The following UNC5D variants were observed in gnomAD, a reference collection of about 807,000 sequenced individuals.
UNC5D encodes the protein unc-5 netrin receptor D.
UNC5D carries 39 observed loss-of-function variants against 105.4 expected under a neutral mutation model. That is an observed-to-expected ratio of 0.37 (90% CI 0.29 to 0.48). The LOEUF (loss-of-function observed/expected upper bound fraction) is 0.48, where lower values mean the gene tolerates loss of function less well. Ranked by LOEUF, UNC5D falls within the 20% of genes least tolerant of loss-of-function variation. The pLI, the probability that UNC5D is intolerant of heterozygous loss-of-function variation, is 0.98. For missense variants in UNC5D, 991 were observed against 1,202.4 expected, an observed-to-expected ratio of 0.82 and a Z score of 2.60; for synonymous variants, 452 against 450.4, an observed-to-expected ratio of 1.00 and a Z score of -0.04.
intron 7 of UNC5D, among the ~76,000 whole-genome samples, chr8:35,693,686 C>T (rs559200990): frequency 6.6e-6 from 1 of 152,236 alleles, no homozygotes; most frequent in East Asian, 1.9e-4. Context: ...GCTTGTCTCT[C>T]TTTAACGATA....
At chr8:35,364,706 A>G (rs1314772673) in intron 1 of UNC5D, among the ~76,000 whole-genome samples, 1 of 152,166 alleles carries the variant, frequency 6.6e-6, no homozygotes, top group East Asian at 1.9e-4. Context: ...CTATCAGTAT[A>G]TATACTAAAA....
intron 2 of UNC5D, among the ~76,000 whole-genome samples, chr8:35,563,363 TG>T (rs1298832890): frequency 3.8e-4 from 6 of 15,626 alleles, no homozygotes; most frequent in Non-Finnish European, 5.1e-4. Flanking sequence ...TTGTGGGGGG[TG>T]GGGGGGTGGG....
intron 1 of UNC5D, among the ~76,000 whole-genome samples, chr8:35,408,773 A>T (rs1176731418): frequency 1.3e-5 from 2 of 151,960 alleles, no homozygotes; most frequent in Admixed American, 1.3e-4. Flanking sequence ...AAGAAAAAAA[A>T]AACTACTACC....
At chr8:35,700,224 A>C (rs1351021395) in intron 7 of UNC5D, among the ~76,000 whole-genome samples, 2 of 152,202 alleles carry the variant, frequency 1.3e-5, no homozygotes, top group Non-Finnish European at 2.9e-5. Flanking sequence ...GAGGGAAAGC[A>C]TGAATACATG....
chr8:35,763,446 CT>C (rs201449850), intron 14 of UNC5D, among the ~76,000 whole-genome samples: 17,902 of 124,626 alleles, frequency 0.14, 2,870 homozygotes, highest in African/African-American at 0.45. Flanking sequence ...TGGTCAGTGC[CT>C]TTTTTTTTTT....
chr8:35,750,783 G>A lies in UNC5D; in HGVS notation c.2137G>A (p.Val713Met). Residue 713 changes from valine to methionine, a missense_variant, in exon 13 of 17, where the codon GTG becomes ATG. By Grantham distance (21) the Val-to-Met change is conservative. Transcript: ENST00000404895. ...SLDYNLRVYC[V>M]DNTPCAFQEV... ...GGATTACAACTTGAGAGTTTACTGT[G>A]TGGACAATACCCCTTGTGCATTTCA... The A allele has an allele frequency of 2.5e-6, 4 of 1,614,118 alleles. No homozygotes were observed. Among genetic ancestry groups the A allele is most frequent in the Non-Finnish European group, 3.4e-6 (4 of 1,180,014 alleles).
chr8:35,562,828 A>AT (rs1817055119), intron 2 of UNC5D, among the ~76,000 whole-genome samples: 1 of 151,858 alleles, frequency 6.6e-6, no homozygotes. Context: ...CTATTTGTCT[A>AT]TTTTTACATT....
At chr8:35,748,290 C>A (rs780600116) in intron 11 of UNC5D, among the ~76,000 whole-genome samples, 55 of 152,246 alleles carry the variant, frequency 3.6e-4, no homozygotes, top group Admixed American at 1.2e-3. Flanking sequence ...AAGCATTTGT[C>A]ATTTTGTTGG....
intron 1 of UNC5D, among the ~76,000 whole-genome samples, chr8:35,327,404 A>G (rs1255988728): frequency 6.6e-6 from 1 of 152,180 alleles, no homozygotes. Context: ...TGACCCGTGC[A>G]TACCACTGGT....
intron 1 of UNC5D, among the ~76,000 whole-genome samples, chr8:35,245,757 A>G (rs1460449441): frequency 1.3e-5 from 2 of 152,146 alleles, no homozygotes; most frequent in Non-Finnish European, 2.9e-5. Flanking sequence ...TGTAGAGTCA[A>G]TTATTAATAA....
At chr8:35,249,097 TAA>T (rs1214581282) in intron 1 of UNC5D, among the ~76,000 whole-genome samples, 2 of 124,692 alleles carry the variant, frequency 1.6e-5, no homozygotes, top group East Asian at 2.1e-4. Context: ...ATATAATATA[TAA>T]AAAAATATAT....
chr8:35,683,446 T>C, intron 4 of UNC5D, 101 bp from the exon 5 acceptor site: 1 of 1,190,428 alleles, frequency 8.4e-7, no homozygotes, highest in Non-Finnish European at 1.1e-6. Flanking sequence ...CTCTATATTT[T>C]AGATACATCT....
chr8:35,650,563 G>A (rs758230997), intron 4 of UNC5D, among the ~76,000 whole-genome samples: 14 of 152,118 alleles, frequency 9.2e-5, no homozygotes, highest in Non-Finnish European at 1.9e-4. Context: ...TGCCTCCTGA[G>A]TTCAAGTGAT....
chr8:35,731,554 G>T (rs1829200225), intron 11 of UNC5D, among the ~76,000 whole-genome samples: 1 of 151,874 alleles, frequency 6.6e-6, no homozygotes, highest in South Asian at 2.1e-4. Flanking sequence ...AAAAACAATT[G>T]CAAAACTACT....
intron 1 of UNC5D, among the ~76,000 whole-genome samples, chr8:35,359,648 C>A (rs751487637): frequency 6.6e-6 from 1 of 152,102 alleles, no homozygotes; most frequent in African/African-American, 2.4e-5. Context: ...ACCTGTATTA[C>A]GTCTTATATA....
intron 1 of UNC5D, among the ~76,000 whole-genome samples, chr8:35,491,190 A>G (rs1365039440): frequency 6.6e-6 from 1 of 152,178 alleles, no homozygotes; most frequent in African/African-American, 2.4e-5. Flanking sequence ...AATAGGTATC[A>G]AAAAAGGACG....
At chr8:35,539,351 T>C (rs1815100584) in intron 1 of UNC5D, among the ~76,000 whole-genome samples, 1 of 152,176 alleles carries the variant, frequency 6.6e-6, no homozygotes, top group South Asian at 2.1e-4. Context: ...TAACTATATT[T>C]TCCCTTTTAC....
intron 1 of UNC5D, among the ~76,000 whole-genome samples, chr8:35,523,297 G>A (rs1322782224): frequency 6.6e-6 from 1 of 151,922 alleles, no homozygotes; most frequent in African/African-American, 2.4e-5. Context: ...TGCCCAGGCT[G>A]GTCTCGAATT....
chr8:35,318,917 T>A (rs952825894), intron 1 of UNC5D, among the ~76,000 whole-genome samples: 11 of 152,180 alleles, frequency 7.2e-5, no homozygotes, highest in South Asian at 2.1e-4. Context: ...TACAAAAAAA[T>A]TAATACTAAC....
Sources: allele counts gnomAD v4.1 joint callset (sites outside exome capture counted in the v4.1 genomes callset), GRCh38; gene constraint gnomAD v4.1.1; transcripts MANE v1.5; gene names NCBI Gene and HGNC (gene_info 2026-07-23, HGNC 2026-07-21).